RASAL2: variants seen among roughly 807,000 people sequenced by gnomAD.
The protein encoded by RASAL2 is RAS protein activator like 2, also known as ras GTPase-activating protein nGAP.
A neutral mutation model predicts 128.9 loss-of-function variants in RASAL2; 58 were observed. The observed-to-expected ratio is 0.45, with a 90% CI of 0.36 to 0.56. The LOEUF is 0.56. Among genes scored for constraint, RASAL2 ranks in the 20% least tolerant of loss-of-function variants. The probability of loss-of-function intolerance (pLI) is 0.00; values close to 1 mark genes in which losing one functional copy is unlikely to be tolerated. For synonymous variants in RASAL2, 561 were observed against 580.8 expected (o/e 0.97, Z 0.49); for missense variants, 1,360 against 1,601.6 (o/e 0.85, Z 2.57).
chr1:178,232,852 C>A (rs999865451), intron 1 of RASAL2, among the ~76,000 whole-genome samples: 3 of 152,090 alleles, frequency 2.0e-5, no homozygotes, highest in African/African-American at 4.8e-5. Flanking sequence ...ATTTTCTTCA[C>A]AATCTGTTTT....
chr1:178,236,230 T>C (rs567207505), intron 1 of RASAL2, among the ~76,000 whole-genome samples: 32 of 152,310 alleles, frequency 2.1e-4, no homozygotes, highest in African/African-American at 7.7e-4. Context: ...TTTTTTAGAT[T>C]ATGCCTAATA....
chr1:178,252,224 A>C (rs2102090091), intron 1 of RASAL2, among the ~76,000 whole-genome samples: 1 of 152,232 alleles, frequency 6.6e-6, no homozygotes, highest in South Asian at 2.1e-4. Flanking sequence ...AATTATGTGG[A>C]AAAATATATT....
intron 2 of RASAL2, among the ~76,000 whole-genome samples, chr1:178,293,862 C>G (rs1340567158): frequency 6.6e-6 from 1 of 152,180 alleles, no homozygotes; most frequent in Admixed American, 6.5e-5. Context: ...TGTACCTTGA[C>G]CTTCCCTTAG....
chr1:178,142,953 G>A (rs1660587038), intron 1 of RASAL2, among the ~76,000 whole-genome samples: 1 of 151,818 alleles, frequency 6.6e-6, no homozygotes, highest in African/African-American at 2.4e-5. Context: ...CTGGGTAATG[G>A]CCTGTTCTTT....
intron 2 of RASAL2, 55 bp downstream of exon 2, chr1:178,283,746 A>G: frequency 6.3e-7 from 1 of 1,592,326 alleles, no homozygotes; most frequent in Non-Finnish European, 8.6e-7. Context: ...AAATTCCTGA[A>G]ATTACCTAGT....
At chr1:178,099,065 A>C (rs1348678656) in intron 1 of RASAL2, among the ~76,000 whole-genome samples, 1 of 152,200 alleles carries the variant, frequency 6.6e-6, no homozygotes, top group African/African-American at 2.4e-5. Context: ...TGAGATTTTT[A>C]AAAGTTACGT....
chr1:178,251,681 T>TA (rs1462232714), intron 1 of RASAL2, among the ~76,000 whole-genome samples: 7 of 152,316 alleles, frequency 4.6e-5, no homozygotes, highest in African/African-American at 1.7e-4. Context: ...AATTGTATGT[T>TA]AATTCAGTTC....
At chr1:178,465,824 G>GA (rs879193994) in intron 15 of RASAL2, 96 bp from the exon 16 acceptor site, 2 of 1,150,864 alleles carry the variant, frequency 1.7e-6, no homozygotes, top group East Asian at 2.6e-5. Context: ...AAAAGAAAAA[G>GA]AAAAAAAGAA....
intron 1 of RASAL2, among the ~76,000 whole-genome samples, chr1:178,280,038 T>G (rs945902505): frequency 2.6e-5 from 4 of 152,144 alleles, no homozygotes; most frequent in African/African-American, 9.7e-5. Context: ...GGACCAGTGG[T>G]TTTTGATGTA....
intron 1 of RASAL2, among the ~76,000 whole-genome samples, chr1:178,171,279 A>G (rs1190548367): frequency 6.6e-6 from 1 of 151,900 alleles, no homozygotes; most frequent in African/African-American, 2.4e-5. Flanking sequence ...TCACAAGGGT[A>G]CTGGTTTTGT....
intron 4 of RASAL2, among the ~76,000 whole-genome samples, chr1:178,400,037 C>G (rs1673510419): frequency 6.6e-6 from 1 of 152,146 alleles, no homozygotes; most frequent in Non-Finnish European, 1.5e-5. Context: ...TCTTCCTTTC[C>G]CCTCTTCTTT....
chr1:178,390,328 G>A (rs879417219), intron 4 of RASAL2, 122 bp downstream of exon 4: 6 of 670,814 alleles, frequency 8.9e-6, no homozygotes, highest in Non-Finnish European at 1.2e-5. Context: ...TTATAATTCT[G>A]TGATTAAAGG....
chr1:178,461,637 C>A (rs1314108772), intron 14 of RASAL2, among the ~76,000 whole-genome samples: 1 of 152,028 alleles, frequency 6.6e-6, no homozygotes, highest in East Asian at 1.9e-4. Flanking sequence ...TTTGAAGAGA[C>A]CTTTTAAAAT....
At chr1:178,172,881 G>A (rs562330120) in intron 1 of RASAL2, among the ~76,000 whole-genome samples, 2 of 152,190 alleles carry the variant, frequency 1.3e-5, no homozygotes, top group South Asian at 4.2e-4. Context: ...CCTTGGTAAA[G>A]TTCCAAACAA....
At chr1:178,438,401 A>G (rs1265869533) in intron 5 of RASAL2, among the ~76,000 whole-genome samples, 1 of 152,004 alleles carries the variant, frequency 6.6e-6, no homozygotes, top group Non-Finnish European at 1.5e-5. Context: ...TTGTCTTTAC[A>G]CAAGGCATTT....
chr1:178,365,763 A>ATGCT (rs1671367764), intron 3 of RASAL2, among the ~76,000 whole-genome samples: 1 of 152,106 alleles, frequency 6.6e-6, no homozygotes, highest in Non-Finnish European at 1.5e-5. Context: ...ATGAGCCACC[A>ATGCT]TGCCAACCTA....
At chr1:178,380,850 A>T (rs927385512) in intron 3 of RASAL2, among the ~76,000 whole-genome samples, 1 of 152,190 alleles carries the variant, frequency 6.6e-6, no homozygotes, top group East Asian at 1.9e-4. Context: ...CACTAGTATC[A>T]GTATTAGTCA....
intron 3 of RASAL2, among the ~76,000 whole-genome samples, chr1:178,325,725 T>C (rs766552927): frequency 6.6e-6 from 1 of 152,236 alleles, no homozygotes; most frequent in African/African-American, 2.4e-5. Flanking sequence ...TGGCCTCTTC[T>C]AATAAGGCTT....
At chr1:178,102,276 A>T (rs1031872937) in intron 1 of RASAL2, among the ~76,000 whole-genome samples, 3 of 152,244 alleles carry the variant, frequency 2.0e-5, no homozygotes, top group African/African-American at 7.2e-5. Context: ...AGCCAAAATT[A>T]AAATCATTTG....
Sources: gnomAD v4.1 joint callset for allele counts (sites outside exome capture counted in the v4.1 genomes callset) on GRCh38, gnomAD v4.1.1 for gene constraint, MANE v1.5 for transcripts, NCBI Gene and HGNC (gene_info 2026-07-23, HGNC 2026-07-21) for gene names.